Variants in BRINP1 observed in about 807,000 individuals in gnomAD.
BRINP1 encodes the protein BMP/retinoic acid-inducible neural-specific protein 1.
A neutral mutation model predicts 72.9 loss-of-function variants in BRINP1; 17 were observed. The ratio of observed to expected loss-of-function variants is 0.23; its 90% CI spans 0.16 to 0.35. The LOEUF (loss-of-function observed/expected upper bound fraction) is 0.35. Ranked by LOEUF, BRINP1 falls within the 10% of genes least tolerant of loss-of-function variation. BRINP1 has a pLI of 1.00. For synonymous variants in BRINP1, 418 were observed against 378.5 expected (o/e 1.10, Z -1.21); for missense variants, 850 against 1,001.6 (o/e 0.85, Z 2.04).
At chr9:119,297,376 C>T (rs1830891823) in intron 2 of BRINP1, among the ~76,000 whole-genome samples, 1 of 152,066 alleles carries the variant, frequency 6.6e-6, no homozygotes, top group African/African-American at 2.4e-5. Flanking sequence ...CCCTGTATAG[C>T]CAGTGGTAAC....
chr9:119,212,425 A>T (rs58733918), intron 6 of BRINP1, among the ~76,000 whole-genome samples: 6,525 of 152,316 alleles, frequency 0.043, 458 homozygotes, highest in African/African-American at 0.15. Context: ...CATTTATCAG[A>T]TGAGGGAACC....
chr9:119,315,928 G>A (rs7019593), intron 1 of BRINP1, among the ~76,000 whole-genome samples: 7,661 of 152,218 alleles, frequency 0.05, 655 homozygotes, highest in African/African-American at 0.17. Context: ...AGAAAAGTCT[G>A]AAGCCAGCAG....
At chr9:119,278,930 C>T (rs1830682374) in intron 2 of BRINP1, among the ~76,000 whole-genome samples, 1 of 152,064 alleles carries the variant, frequency 6.6e-6, no homozygotes. Flanking sequence ...CAAAAAACAA[C>T]TTAGAGCACT....
At position 119,318,850 on chromosome 9, in the gene BRINP1, T is replaced by C. The variant is rs1051242438; in HGVS notation, c.-50-5445A>G. ...ATGGAAGAGAAATGTGTGGGGTGTG[T>C]GTGTGTGTGTGTGTGTGTGTGTGTG... On this transcript the variant is annotated intron_variant, in intron 1 of 7. Transcript: ENST00000265922. Among the ~76,000 whole-genome samples the C allele has an allele frequency of 2.0e-3, 200 of 99,520 alleles. 2 individuals carry two copies. Among genetic ancestry groups the C allele is most frequent in the Admixed American group, 6.8e-3 (70 of 10,246 alleles). 65.3% of individuals were successfully genotyped at this position (99,520 alleles called of 152,430 possible). A position where few individuals can be genotyped will look rare whatever the true frequency, so the allele number is the denominator to read the frequency against.
intron 5 of BRINP1, among the ~76,000 whole-genome samples, chr9:119,235,474 C>T (rs1391071022): frequency 1.3e-5 from 2 of 152,098 alleles, no homozygotes; most frequent in African/African-American, 4.8e-5. Flanking sequence ...AGAAAACTTT[C>T]CTGACTCCCT....
intron 2 of BRINP1, among the ~76,000 whole-genome samples, chr9:119,280,875 A>T (rs878898230): frequency 5.3e-5 from 8 of 152,298 alleles, no homozygotes; most frequent in African/African-American, 1.9e-4. Flanking sequence ...GGGTGTATGA[A>T]AGAAGACTTC....
chr9:119,232,307 A>G (rs1830155886), intron 5 of BRINP1, among the ~76,000 whole-genome samples: 1 of 152,220 alleles, frequency 6.6e-6, no homozygotes, highest in Non-Finnish European at 1.5e-5. Flanking sequence ...CTGGATAAAC[A>G]TGACAGCCTC....
At chr9:119,276,049 T>C (rs1830654513) in intron 2 of BRINP1, among the ~76,000 whole-genome samples, 1 of 152,172 alleles carries the variant, frequency 6.6e-6, no homozygotes. Context: ...ATCTGTTATC[T>C]TTTCTTCTTC....
At chr9:119,307,117 T>C (rs996071231) in intron 2 of BRINP1, among the ~76,000 whole-genome samples, 1 of 151,820 alleles carries the variant, frequency 6.6e-6, no homozygotes, top group Non-Finnish European at 1.5e-5. Context: ...TTTAGCGGCA[T>C]CCCAGATCCC....
chr9:119,345,053 G>A (rs2119027077), intron 1 of BRINP1, among the ~76,000 whole-genome samples: 2 of 152,296 alleles, frequency 1.3e-5, no homozygotes, highest in East Asian at 3.9e-4. Context: ...GCATCCAGAT[G>A]GCAGCCTAAT....
intron 1 of BRINP1, among the ~76,000 whole-genome samples, chr9:119,342,015 C>T (rs1831411319): frequency 1.3e-5 from 2 of 151,990 alleles, no homozygotes; most frequent in Non-Finnish European, 2.9e-5. Flanking sequence ...TGATCTGCCC[C>T]CCTCGGTCAC....
At chr9:119,185,931 T>C (rs981030728) in intron 7 of BRINP1, among the ~76,000 whole-genome samples, 2 of 152,234 alleles carry the variant, frequency 1.3e-5, no homozygotes, top group Non-Finnish European at 2.9e-5. Context: ...CAGTAGCCAC[T>C]GCGCTTCTCC....
chr9:119,229,132 G>GT (rs977206848), intron 5 of BRINP1, among the ~76,000 whole-genome samples: 1 of 152,026 alleles, frequency 6.6e-6, no homozygotes, highest in Non-Finnish European at 1.5e-5. Flanking sequence ...ACTTGCTGTG[G>GT]TTTTTGTGGA....
At chr9:119,331,259 T>C (rs1587963226) in intron 1 of BRINP1, among the ~76,000 whole-genome samples, 1 of 152,242 alleles carries the variant, frequency 6.6e-6, no homozygotes, top group East Asian at 1.9e-4. Context: ...ATTTTATCAC[T>C]ATGAGGAGGA....
chr9:119,321,032 G>A (rs975983890), intron 1 of BRINP1, among the ~76,000 whole-genome samples: 1 of 151,982 alleles, frequency 6.6e-6, no homozygotes, highest in Non-Finnish European at 1.5e-5. Context: ...CCGGGTTCAC[G>A]CCATTCTCCT....
At chr9:119,238,965 A>G (rs988250111) in intron 4 of BRINP1, among the ~76,000 whole-genome samples, 3 of 152,200 alleles carry the variant, frequency 2.0e-5, no homozygotes, top group Non-Finnish European at 4.4e-5. Context: ...TCAAGCATAC[A>G]GAGTGCATGC....
At chr9:119,220,195 GA>G (rs1001760277) in intron 5 of BRINP1, among the ~76,000 whole-genome samples, 2 of 151,920 alleles carry the variant, frequency 1.3e-5, no homozygotes, top group East Asian at 3.9e-4. Context: ...TGAGACTCAG[GA>G]AAAAAATGGG....
intron 7 of BRINP1, among the ~76,000 whole-genome samples, chr9:119,169,703 AG>A (rs532946214): frequency 3.8e-3 from 579 of 152,360 alleles, no homozygotes; most frequent in Admixed American, 6.9e-3. Context: ...AAAAGACAGC[AG>A]TAACCTCTGC....
intron 1 of BRINP1, among the ~76,000 whole-genome samples, chr9:119,362,663 T>G (rs531963825): frequency 6.6e-6 from 1 of 152,322 alleles, no homozygotes; most frequent in East Asian, 1.9e-4. Context: ...TAAATTACTT[T>G]ATCCCCACAT....
Sources: gnomAD v4.1 joint callset for allele counts (sites outside exome capture counted in the v4.1 genomes callset) on GRCh38, gnomAD v4.1.1 for gene constraint, MANE v1.5 for transcripts, NCBI Gene and HGNC (gene_info 2026-07-23, HGNC 2026-07-21) for gene names.